HTR4: variants seen among roughly 807,000 people sequenced by gnomAD.
HTR4 encodes 5-hydroxytryptamine (serotonin) receptor 4, G protein-coupled.
Under a neutral mutation model 36.8 loss-of-function variants are expected in HTR4, and 16 were observed. The ratio of observed to expected loss-of-function variants is 0.43; its 90% confidence interval spans 0.29 to 0.66. The LOEUF is 0.66. Ranked by LOEUF, HTR4 falls within the 30% of genes least tolerant of loss-of-function variation. HTR4 has a pLI of 0.13. For synonymous variants in HTR4, 189 were observed against 185.1 expected, an observed-to-expected ratio of 1.02 and a Z score of -0.17; for missense variants, 438 against 490.9, an observed-to-expected ratio of 0.89 and a Z score of 1.02.
chr5:148,579,470 T>C (rs1447109393), intron 2 of HTR4, among the ~76,000 whole-genome samples: 1 of 152,082 alleles, frequency 6.6e-6, no homozygotes, highest in Admixed American at 6.6e-5. Context: ...GTTAGGCATG[T>C]GGCCCAAGTA....
At chr5:148,501,407 A>G (rs1756929246) in intron 6 of HTR4, among the ~76,000 whole-genome samples, 1 of 152,224 alleles carries the variant, frequency 6.6e-6, no homozygotes, top group South Asian at 2.1e-4. Context: ...ATAAAAGCTG[A>G]TACTGATTTT....
intron 5 of HTR4, among the ~76,000 whole-genome samples, chr5:148,462,419 G>A (rs966798969): frequency 6.6e-6 from 1 of 151,918 alleles, no homozygotes; most frequent in Non-Finnish European, 1.5e-5. Flanking sequence ...TGATAACCTT[G>A]ATGAAATTGA....
At chr5:148,466,239 C>T (rs1265358371) in intron 5 of HTR4, among the ~76,000 whole-genome samples, 3 of 152,158 alleles carry the variant, frequency 2.0e-5, no homozygotes, top group African/African-American at 4.8e-5. Context: ...GCCTCTTCTT[C>T]CCTCCTGTAG....
chr5:148,513,212 A>G (rs2113778374), intron 5 of HTR4, among the ~76,000 whole-genome samples: 1 of 152,168 alleles, frequency 6.6e-6, no homozygotes, highest in South Asian at 2.1e-4. Context: ...ACTGGTCTCA[A>G]ACTCTAGGCT....
chr5:148,471,537 T>C (rs1399975462), intron 5 of HTR4, among the ~76,000 whole-genome samples: 1 of 152,184 alleles, frequency 6.6e-6, no homozygotes, highest in Admixed American at 6.5e-5. Context: ...GAAAGAAAGA[T>C]GTTATACGTA....
chr5:148,550,676 T>C (rs1452080975), intron 2 of HTR4, among the ~76,000 whole-genome samples: 1 of 152,152 alleles, frequency 6.6e-6, no homozygotes, highest in African/African-American at 2.4e-5. Flanking sequence ...GTGTATAAAA[T>C]GGTGAGTTGT....
In HTR4 at chr5:148,501,538, G is replaced by T. The variant is rs910527059; in HGVS notation, c.1076+7918C>A. On this transcript the variant is annotated intron_variant, in intron 6 of 6. Coordinates refer to ENST00000377888, the MANE Select transcript of HTR4 (RefSeq NM_000870.7). ...GTTAAGTTAAAACAATTGATCAGAAGAATTAATTTTAGAATTTGTTAATTC... is the reference window on the plus strand; with the variant it reads ...GTTAAGTTAAAACAATTGATCAGAATAATTAATTTTAGAATTTGTTAATTC... 5.9e-5 allele frequency among the ~76,000 whole-genome samples: 9 copies of T among 152,160 alleles called. 1 individual carries two copies. Among genetic ancestry groups the T allele is most frequent in the Non-Finnish European group, 1.0e-4 (7 of 68,006 alleles).
chr5:148,487,767 G>C (rs1267505118), intron 6 of HTR4, among the ~76,000 whole-genome samples: 1 of 150,260 alleles, frequency 6.7e-6, no homozygotes, highest in Non-Finnish European at 1.5e-5. Flanking sequence ...ACAGTAGAGA[G>C]AGCGAGCTTA....
At chr5:148,506,150 A>G (rs911424282) in intron 6 of HTR4, among the ~76,000 whole-genome samples, 3 of 152,210 alleles carry the variant, frequency 2.0e-5, no homozygotes, top group African/African-American at 7.2e-5. Context: ...TCAGCAAAAC[A>G]GCATGGTACT....
At chr5:148,615,518 T>C (rs1405837149) in intron 2 of HTR4, among the ~76,000 whole-genome samples, 1 of 106,510 alleles carries the variant, frequency 9.4e-6, no homozygotes, top group Admixed American at 1.4e-4. Context: ...CATCACACTC[T>C]GGGGACTGTT....
chr5:148,636,722 A>C (rs1753554246), intron 2 of HTR4, among the ~76,000 whole-genome samples: 1 of 152,182 alleles, frequency 6.6e-6, no homozygotes, highest in Non-Finnish European at 1.5e-5. Context: ...TATTACAGAG[A>C]TGAATATCTA....
At chr5:148,609,979 A>C (rs73797930) in intron 2 of HTR4, among the ~76,000 whole-genome samples, 7,949 of 152,254 alleles carry the variant, frequency 0.052, 457 homozygotes, top group African/African-American at 0.14. Context: ...AAATTAATGG[A>C]AATTACACTA....
chr5:148,459,494 C>T (rs1755210402), intron 5 of HTR4, among the ~76,000 whole-genome samples: 2 of 152,086 alleles, frequency 1.3e-5, no homozygotes, highest in African/African-American at 2.4e-5. Flanking sequence ...CAACTCCAGC[C>T]CCCTTAAGCC....
chr5:148,627,655 GA>G (rs1018609750), intron 2 of HTR4, among the ~76,000 whole-genome samples: 1 of 152,078 alleles, frequency 6.6e-6, no homozygotes, highest in Non-Finnish European at 1.5e-5. Flanking sequence ...AGAGAAGGGG[GA>G]AAAAAGATTC....
chr5:148,590,760 C>T (rs1329634137), intron 2 of HTR4, among the ~76,000 whole-genome samples: 1 of 151,654 alleles, frequency 6.6e-6, no homozygotes, highest in African/African-American at 2.4e-5. Context: ...AATATTTTCT[C>T]CCATTCTCCC....
chr5:148,517,390 C>T (rs139362952), intron 5 of HTR4, among the ~76,000 whole-genome samples: 5 of 151,446 alleles, frequency 3.3e-5, no homozygotes, highest in African/African-American at 1.2e-4. Flanking sequence ...TCTTTCTGAT[C>T]GGGACCTCCT....
At position 148,512,683 on chromosome 5, in the gene HTR4, C is replaced by T. The variant is rs186670770; in HGVS notation, c.508-2659G>A. ...CGGTGACTTACATCTGTAATCCCAG[C>T]ACCTTGTGAGGCCGAGGTAGGCAAA... is the stretch of plus-strand genomic sequence containing the variant. On this transcript the variant is annotated intron_variant, in intron 5 of 6. Transcript: ENST00000377888. Among the ~76,000 whole-genome samples, 52 of 152,238 alleles carry T rather than the reference C, an allele frequency of 3.4e-4. 1 individual carries two copies. Among genetic ancestry groups the T allele is most frequent in the Admixed American group, 1.4e-3 (22 of 15,284 alleles).
chr5:148,647,464 C>T (rs1753906255), intron 1 of HTR4, among the ~76,000 whole-genome samples: 1 of 152,156 alleles, frequency 6.6e-6, no homozygotes, highest in Non-Finnish European at 1.5e-5. Context: ...ATCAGATGAC[C>T]TGGGCACTGG....
intron 1 of HTR4, among the ~76,000 whole-genome samples, chr5:148,641,517 GTC>G (rs1384682043): frequency 6.6e-6 from 1 of 152,216 alleles, no homozygotes; most frequent in Non-Finnish European, 1.5e-5. Context: ...ACAAATGCAT[GTC>G]TCAATAGTCT....
Sources: gnomAD v4.1 joint callset for allele counts (sites outside exome capture counted in the v4.1 genomes callset) on GRCh38, gnomAD v4.1.1 for gene constraint, MANE v1.5 for transcripts, NCBI Gene and HGNC (gene_info 2026-07-23, HGNC 2026-07-21) for gene names.